Variants in KRABD3 observed in about 807,000 individuals in gnomAD.
KRABD3 encodes the protein KRAB domain-containing protein 3.
the KRABD3 span, chr7:149,719,705 G>A: frequency 1.3e-6 from 2 of 1,584,220 alleles, no homozygotes; most frequent in Non-Finnish European, 1.7e-6. This position sits in a 1 kb window ranked among gnomAD's most constrained non-coding sequence, Gnocchi z 5.6. Context: ...CGTGTGGCAG[G>A]AGCCTGGTGG....
chr7:149,724,935 C>G, the KRABD3 span: 1 of 1,189,958 alleles, frequency 8.4e-7, no homozygotes, highest in Non-Finnish European at 1.1e-6. Context: ...AGGGAAGCAG[C>G]TCTCAGCAGG....
chr7:149,720,181 C>G, the KRABD3 span: 1 of 1,543,294 alleles, frequency 6.5e-7, no homozygotes, highest in East Asian at 2.5e-5. Flanking sequence ...GTCCTCAGCC[C>G]CAGGCAATGC....
At chr7:149,714,957 T>G in the KRABD3 span, 1 of 1,029,818 alleles carries the variant, frequency 9.7e-7, no homozygotes, top group South Asian at 4.9e-5. Flanking sequence ...CCCCGCCTTC[T>G]CCTGCGCGGA....
chr7:149,721,896 A>G, the KRABD3 span: 1 of 437,230 alleles, frequency 2.3e-6, no homozygotes, highest in Non-Finnish European at 4.4e-6. Context: ...CAGCAACCCT[A>G]ACTGCAGAGC....
chr7:149,731,620 T>C, the KRABD3 span: 6 of 1,348,342 alleles, frequency 4.4e-6, no homozygotes, highest in Non-Finnish European at 6.3e-6. Context: ...TCAGAATGGC[T>C]CTGGCCAAAC....
the KRABD3 span, chr7:149,719,542 G>T: frequency 1.9e-6 from 3 of 1,571,310 alleles, no homozygotes; most frequent in Non-Finnish European, 2.6e-6. The surrounding 1 kb of genome is among the most constrained non-coding windows in gnomAD (Gnocchi z 5.6). Flanking sequence ...GACTGTGCCT[G>T]CAGGTGTCCA....
At chr7:149,733,075 A>G in the KRABD3 span, 4 of 1,108,800 alleles carry the variant, frequency 3.6e-6, no homozygotes, top group African/African-American at 6.3e-5. Context: ...GGCCTCACCC[A>G]CCTTCCTTCC....
the KRABD3 span, among the ~76,000 whole-genome samples, chr7:149,725,042 TTC>T: frequency 1.3e-5 from 2 of 152,198 alleles, no homozygotes; most frequent in Non-Finnish European, 2.9e-5. Context: ...CCTCGGGGCC[TTC>T]GTTTTGCAGT....
the KRABD3 span, chr7:149,721,814 AACATGCAGGCCCACGGCC>A: frequency 1.6e-6 from 1 of 616,070 alleles, no homozygotes; most frequent in East Asian, 3.4e-5. Flanking sequence ...GGCAGTTTCT[AACATGCAGGCCCACGGCC>A]AGCAGCATTG....
the KRABD3 span, chr7:149,734,092 A>G: frequency 6.5e-7 from 1 of 1,547,198 alleles, no homozygotes; most frequent in Non-Finnish European, 8.7e-7. Context: ...CCGAGGGTGC[A>G]GTGGTGGCGT....
the KRABD3 span, chr7:149,721,537 T>G: frequency 6.2e-7 from 1 of 1,610,910 alleles, no homozygotes; most frequent in Non-Finnish European, 8.5e-7. Context: ...TCCCCATCAG[T>G]GAGTCTGACA....
the KRABD3 span, among the ~76,000 whole-genome samples, chr7:149,718,396 A>G: frequency 6.6e-6 from 1 of 151,814 alleles, no homozygotes; most frequent in Non-Finnish European, 1.5e-5. Flanking sequence ...CCTTCCCATA[A>G]TTTACCTTCT....
chr7:149,729,161 A>C, the KRABD3 span: 1 of 1,454,224 alleles, frequency 6.9e-7, no homozygotes, highest in Non-Finnish European at 9.1e-7. Flanking sequence ...TGGGGCTGAC[A>C]GGCCTTCTGA....
At chr7:149,723,605 A>G in the KRABD3 span, 18 of 864,702 alleles carry the variant, frequency 2.1e-5, no homozygotes, top group Middle Eastern at 2.3e-4. Context: ...GGGAAGACTC[A>G]GCGAGCCACT....
chr7:149,721,835 C>T, the KRABD3 span: 1 of 569,644 alleles, frequency 1.8e-6, no homozygotes. Context: ...CCACGGCCAG[C>T]AGCATTGACC....
the KRABD3 span, among the ~76,000 whole-genome samples, chr7:149,724,188 G>A: frequency 6.6e-6 from 1 of 152,190 alleles, no homozygotes; most frequent in Non-Finnish European, 1.5e-5. Context: ...CAGCACACAC[G>A]CAGCTCCTCA....
the KRABD3 span, chr7:149,733,639 C>G: frequency 6.3e-7 from 1 of 1,590,352 alleles, no homozygotes; most frequent in East Asian, 2.3e-5. Context: ...GAGAGAGCTG[C>G]AGGGCTGGTG....
chr7:149,724,879 T>C, the KRABD3 span: 2 of 1,515,824 alleles, frequency 1.3e-6, no homozygotes, highest in African/African-American at 2.8e-5. Flanking sequence ...GCTCTGGTGG[T>C]CTTCCCCATG....
chr7:149,733,104 T>G, the KRABD3 span: 4 of 1,366,098 alleles, frequency 2.9e-6, no homozygotes, highest in East Asian at 2.3e-5. Flanking sequence ...AGCTGGGCCT[T>G]GGAGGAGGCA....
Sources: gnomAD v4.1 joint callset for allele counts (sites outside exome capture counted in the v4.1 genomes callset) on GRCh38, gnomAD v4.1.1 for gene constraint, Gnocchi (gnomAD v3.1) non-coding constraint, MANE v1.5 for transcripts, NCBI Gene and HGNC (gene_info 2026-07-23, HGNC 2026-07-21) for gene names.